Variants in TOGARAM1 observed in about 807,000 individuals in gnomAD.
TOGARAM1 encodes the protein TOG array regulator of axonemal microtubules protein 1.
TOGARAM1 carries 100 observed loss-of-function variants against 166.6 expected under a neutral mutation model. That is an observed-to-expected ratio of 0.60 (90% CI 0.51 to 0.71). The LOEUF (loss-of-function observed/expected upper bound fraction) is 0.71. TOGARAM1 is among the 30% of genes least tolerant of loss of function. The pLI, the probability that TOGARAM1 is intolerant of heterozygous loss-of-function variation, is 0.00. For synonymous variants in TOGARAM1, 758 were observed against 763.8 expected (o/e 0.99, Z 0.13); for missense variants, 2,029 against 2,102.7 (o/e 0.96, Z 0.69).
chr14:44,992,465 A>G (rs73350201), intron 1 of TOGARAM1, among the ~76,000 whole-genome samples: 16,952 of 152,086 alleles, frequency 0.11, 1,360 homozygotes, highest in African/African-American at 0.23. Flanking sequence ...TTCTGAGAGA[A>G]TTAGATATTA....
At chr14:45,010,472 A>C (rs1334341598) in intron 6 of TOGARAM1, among the ~76,000 whole-genome samples, 3 of 152,218 alleles carry the variant, frequency 2.0e-5, no homozygotes, top group Non-Finnish European at 4.4e-5. Flanking sequence ...TCTTCCATGA[A>C]GATGAAAATT....
intron 11 of TOGARAM1, among the ~76,000 whole-genome samples, chr14:45,038,758 G>C (rs1317402273): frequency 6.6e-6 from 1 of 152,146 alleles, no homozygotes; most frequent in Non-Finnish European, 1.5e-5. Flanking sequence ...TGGGGTTGGG[G>C]GAGATTTCAT....
chr14:45,046,492 T>C (rs913154029), intron 13 of TOGARAM1, 53 bp from the exon 14 acceptor site: 6 of 1,245,154 alleles, frequency 4.8e-6, no homozygotes, highest in Admixed American at 4.2e-5. Flanking sequence ...CATAGATCTT[T>C]GGAGAATAGT....
At chr14:44,988,506 T>A (rs1435536517) in intron 1 of TOGARAM1, among the ~76,000 whole-genome samples, 1 of 152,226 alleles carries the variant, frequency 6.6e-6, no homozygotes, top group Admixed American at 6.5e-5. Context: ...CAGCAGAATT[T>A]AAGATGGAAG....
At chr14:45,009,324 T>G (rs1358206155) in intron 6 of TOGARAM1, among the ~76,000 whole-genome samples, 179 bp downstream of exon 6, 1 of 152,218 alleles carries the variant, frequency 6.6e-6, no homozygotes, top group Non-Finnish European at 1.5e-5. Flanking sequence ...TGGTTTCTGG[T>G]GTGAGTGGAA....
intron 19 of TOGARAM1, among the ~76,000 whole-genome samples, chr14:45,072,487 C>T (rs928482623): frequency 2.0e-5 from 3 of 151,500 alleles, no homozygotes; most frequent in African/African-American, 4.9e-5. Context: ...AGTGCAGTGG[C>T]GCAATATCGG....
chr14:45,035,783 T>C (rs753838926), intron 11 of TOGARAM1, among the ~76,000 whole-genome samples: 5 of 151,958 alleles, frequency 3.3e-5, no homozygotes, highest in African/African-American at 9.7e-5. Flanking sequence ...ACTGTCAATC[T>C]AGAATTCTAT....
At chr14:44,994,350 C>T (rs1395915265) in intron 1 of TOGARAM1, among the ~76,000 whole-genome samples, 1 of 151,800 alleles carries the variant, frequency 6.6e-6, no homozygotes, top group Non-Finnish European at 1.5e-5. Flanking sequence ...AACTCTTGAC[C>T]TCAAGTGACC....
intron 19 of TOGARAM1, among the ~76,000 whole-genome samples, chr14:45,072,485 G>A (rs981542073): frequency 6.6e-6 from 1 of 151,912 alleles, no homozygotes; most frequent in Non-Finnish European, 1.5e-5. Flanking sequence ...GGAGTGCAGT[G>A]GCGCAATATC....
At chr14:45,023,075 C>G (rs1417136679) in intron 7 of TOGARAM1, 1 of 152,144 alleles carries the variant, frequency 6.6e-6, no homozygotes, top group Admixed American at 6.5e-5. Context: ...AGCACTAGTT[C>G]CTGGAGTGAA....
chr14:45,000,327 A>G (rs1425333772), intron 3 of TOGARAM1, among the ~76,000 whole-genome samples: 1 of 151,928 alleles, frequency 6.6e-6, no homozygotes, highest in Non-Finnish European at 1.5e-5. Context: ...CGCATTAACT[A>G]CCTTCTCTTT....
In TOGARAM1 at chr14:45,073,154, C is replaced by T. The variant is rs1883455421; in HGVS notation, c.5057-142C>T. The T allele has an allele frequency of 6.7e-6, 5 of 746,540 alleles. No individual in the cohort carries two copies. In the South Asian group the frequency reaches 8.5e-5, roughly 13 times the overall value. The allele number at this position is 746,540 out of a possible 1,614,324, so 46.2% of individuals were successfully genotyped here. A position where few individuals can be genotyped will look rare whatever the true frequency, so the allele number is the denominator to read the frequency against. On this transcript the variant is annotated intron_variant, in intron 19 of 19. Coordinates refer to ENST00000361462, the MANE Select transcript of TOGARAM1 (RefSeq NM_001308120.2). ...CAATCTTTGAGAGAAAGGTTTCTTA[C>T]ATTGCTTCTTTTAAGAAGCCTAACT...
chr14:44,975,109 T>A (rs1347102698), intron 1 of TOGARAM1, among the ~76,000 whole-genome samples: 1 of 152,132 alleles, frequency 6.6e-6, no homozygotes, highest in Non-Finnish European at 1.5e-5. Flanking sequence ...AAGCAATAAT[T>A]TTGCTCCAAA....
intron 11 of TOGARAM1, among the ~76,000 whole-genome samples, chr14:45,040,194 T>C (rs1881655786): frequency 6.6e-6 from 1 of 152,226 alleles, no homozygotes; most frequent in Non-Finnish European, 1.5e-5. Context: ...AACACACTTA[T>C]ATGTGTAACC....
chr14:45,020,488 C>T (rs896324709), intron 7 of TOGARAM1, among the ~76,000 whole-genome samples: 5 of 152,146 alleles, frequency 3.3e-5, no homozygotes, highest in Admixed American at 1.3e-4. Flanking sequence ...TGATACTGCC[C>T]ATGCCAGTAC....
intron 15 of TOGARAM1, 115 bp from the exon 16 acceptor site, chr14:45,054,316 A>G: frequency 3.1e-6 from 2 of 640,444 alleles, no homozygotes; most frequent in South Asian, 2.4e-5. Context: ...TCAGATTATT[A>G]AAATACTTTC....
Position 45,025,794 on chromosome 14 carries a change from A to G in TOGARAM1, c.3250A>G (p.Asn1084Asp), listed in dbSNP as rs746601973. 8 of 1,604,244 alleles carry G rather than the reference A, an allele frequency of 5.0e-6. No homozygotes were observed. The highest frequency in any genetic ancestry group is 6.8e-6 in the Non-Finnish European group (8 of 1,171,952). ...EQSPSAGSSS[N>D]PQQISSFDFT... ...TGGGGGATTTACAGGGTCATCATCAAATCCACAGCAAATTTCCAGTTTTGA... is the reference window on the plus strand; with the variant it reads ...TGGGGGATTTACAGGGTCATCATCAGATCCACAGCAAATTTCCAGTTTTGA... Residue 1084 changes from asparagine (N) to aspartate (D), a missense_variant, in exon 8 of 20, where the codon AAT (asparagine) becomes GAT (aspartate). Physicochemically the swap from Asn to Asp is conservative, Grantham distance 23 (BLOSUM62 1). Transcript: ENST00000361462.
chr14:44,963,043 A>G lies in TOGARAM1; in HGVS notation c.622A>G (p.Lys208Glu), dbSNP rs1273994292. The G allele has an allele frequency of 6.2e-7, 1 of 1,614,186 alleles. No homozygotes were observed. The highest frequency in any genetic ancestry group is 1.1e-5 in the South Asian group (1 of 91,078). ...DALQILHICL[K>E]RSPGEVLRTL... Reference sequence around the variant, plus strand: ...GCTGCAGATCCTTCATATATGTCTGAAACGTAGTCCTGGAGAGGTGCTGAG... The same window carrying G: ...GCTGCAGATCCTTCATATATGTCTGGAACGTAGTCCTGGAGAGGTGCTGAG... The change falls in exon 1 of 20, where the codon AAA (lysine) becomes GAA (glutamate). Residue 208 changes from lysine to glutamate, a missense_variant. Lys to Glu is a moderately conservative substitution (Grantham distance 56). Transcript: ENST00000361462.
chr14:45,005,698 T>A (rs970513046), intron 4 of TOGARAM1, among the ~76,000 whole-genome samples: 3 of 152,212 alleles, frequency 2.0e-5, no homozygotes, highest in Non-Finnish European at 4.4e-5. Context: ...CAGCCATTGA[T>A]GTAAGATGTT....
Sources: allele counts gnomAD v4.1 joint callset (sites outside exome capture counted in the v4.1 genomes callset), GRCh38; gene constraint gnomAD v4.1.1; transcripts MANE v1.5; gene names NCBI Gene and HGNC (gene_info 2026-07-23, HGNC 2026-07-21).